USH2A: variants seen among roughly 807,000 people sequenced by gnomAD.
USH2A encodes the protein Usher syndrome 2A (autosomal recessive, mild).
In USH2A, 443 loss-of-function variants were observed where a neutral mutation model predicts 538.9. The ratio of observed to expected loss-of-function variants is 0.82; its 90% CI spans 0.76 to 0.89. The LOEUF is 0.89. Ranked by LOEUF, USH2A falls within the 40% of genes least tolerant of loss-of-function variation. The probability of loss-of-function intolerance (pLI) is 0.00; values close to 1 mark genes in which losing one functional copy is unlikely to be tolerated. For missense variants in USH2A, 6,633 were observed against 6,324.8 expected, an observed-to-expected ratio of 1.05 and a Z score of -1.65; for synonymous variants, 2,413 against 2,273.5, an observed-to-expected ratio of 1.06 and a Z score of -1.75.
intron 70 of USH2A, among the ~76,000 whole-genome samples, chr1:215,630,890 G>T (rs1409901195): frequency 1.3e-5 from 2 of 151,612 alleles, no homozygotes; most frequent in Non-Finnish European, 2.9e-5. Context: ...TTGGTGAGTG[G>T]AAATTAATTG....
At chr1:216,068,606 G>C (rs920176430) in intron 30 of USH2A, among the ~76,000 whole-genome samples, 1 of 152,134 alleles carries the variant, frequency 6.6e-6, no homozygotes, top group Non-Finnish European at 1.5e-5. Context: ...ATATAAGTGA[G>C]AGGACGATAA....
intron 3 of USH2A, among the ~76,000 whole-genome samples, chr1:216,418,228 G>A (rs963495348): frequency 7.2e-5 from 11 of 152,070 alleles, no homozygotes; most frequent in South Asian, 4.2e-4. Flanking sequence ...TAGAATATAC[G>A]AACCCAAGAA....
chr1:216,079,559 G>A (rs559501225), intron 26 of USH2A, among the ~76,000 whole-genome samples: 2 of 152,188 alleles, frequency 1.3e-5, no homozygotes, highest in East Asian at 3.9e-4. Context: ...ATATGGAGGT[G>A]GGAGGTGAGG....
intron 9 of USH2A, among the ~76,000 whole-genome samples, chr1:216,318,735 T>C (rs1438580174): frequency 1.3e-5 from 2 of 152,128 alleles, no homozygotes; most frequent in African/African-American, 2.4e-5. Context: ...ACTTAAGGTC[T>C]AAATAAGAAG....
intron 70 of USH2A, chr1:215,630,240 TATATC>T (rs754198244): frequency 2.2e-6 from 1 of 458,488 alleles, no homozygotes; most frequent in South Asian, 1.5e-5. Context: ...ACACATCAGA[TATATC>T]AGCCACAGAG....
intron 3 of USH2A, among the ~76,000 whole-genome samples, chr1:216,373,957 C>T (rs554282016): frequency 1.1e-4 from 17 of 151,992 alleles, no homozygotes; most frequent in East Asian, 3.9e-4. Flanking sequence ...TTTGTAGGAA[C>T]GTGGATGAAA....
At chr1:216,145,961 C>T (rs1438899912) in intron 21 of USH2A, among the ~76,000 whole-genome samples, 2 of 152,166 alleles carry the variant, frequency 1.3e-5, no homozygotes, top group African/African-American at 4.8e-5. Flanking sequence ...ACTCTCTTTT[C>T]GGACTCAGCC....
At chr1:216,353,341 C>T (rs1049009633) in intron 4 of USH2A, among the ~76,000 whole-genome samples, 2 of 151,236 alleles carry the variant, frequency 1.3e-5, no homozygotes, top group South Asian at 2.1e-4. Flanking sequence ...CAAACAGAGC[C>T]GCTGGGGGCA....
chr1:216,096,533 A>T (rs558612643), intron 22 of USH2A, among the ~76,000 whole-genome samples: 1 of 152,330 alleles, frequency 6.6e-6, no homozygotes, highest in African/African-American at 2.4e-5. Context: ...TCTTTATTTT[A>T]TGTTCCTATA....
rs776039417 is a variant in USH2A, at chr1:216,190,305, C to A, written c.4314G>T (p.Arg1438Ser). 1.2e-5 allele frequency: 19 copies of A among 1,612,182 alleles called. No individual in the cohort carries two copies. The highest frequency in any genetic ancestry group is 1.6e-5 in the Non-Finnish European group (19 of 1,179,030). The stretch of plus-strand genomic sequence containing the variant: ...AGAGAGTAATAGTAAACTCATATAT[C>A]CTATAAGGTTTCAGTCCTTCTACAG... ...SYTVEGLKPY[R>S]IYEFTITLCN... Residue 1438 changes from arginine to serine, a missense_variant, in exon 20 of 72, where the codon AGG (arginine) becomes AGT (serine). Physicochemically the swap from Arg to Ser is moderately radical, Grantham distance 110 (BLOSUM62 -1). Coordinates refer to ENST00000307340, the MANE Select transcript of USH2A (RefSeq NM_206933.4).
Position 215,928,901 on chromosome 1 carries a change from A to G in USH2A, c.7300+5715T>C, listed in dbSNP as rs374833365. ...CAAGCTAAAAAAGTTAGTCATTAAT[A>G]TATTATTCCTTTAGTGGTATTATTG... On this transcript the variant is annotated intron_variant, in intron 38 of 71. Coordinates refer to ENST00000307340, the MANE Select transcript of USH2A (RefSeq NM_206933.4). Among the ~76,000 whole-genome samples the G allele has an allele frequency of 3.3e-5, 5 of 152,228 alleles. No homozygotes were observed. The East Asian group carries it at 9.7e-4, about 29-fold the overall frequency.
At chr1:216,163,548 G>A (rs989109270) in intron 21 of USH2A, among the ~76,000 whole-genome samples, 7 of 151,762 alleles carry the variant, frequency 4.6e-5, no homozygotes, top group South Asian at 2.1e-4. Flanking sequence ...TTGAATGCCC[G>A]ACATTGTATA....
intron 47 of USH2A, among the ~76,000 whole-genome samples, chr1:215,831,592 T>A (rs1450613479): frequency 6.6e-6 from 1 of 152,074 alleles, no homozygotes; most frequent in Non-Finnish European, 1.5e-5. Flanking sequence ...AATTAAACAA[T>A]ACCCTTGTAA....
intron 69 of USH2A, 110 bp downstream of exon 69, chr1:215,639,045 G>A: frequency 9.5e-7 from 1 of 1,057,262 alleles, no homozygotes; most frequent in Non-Finnish European, 1.5e-6. Flanking sequence ...AATTTCTTCT[G>A]TATAGTCTAT....
At chr1:215,663,022 A>T (rs925601915) in intron 64 of USH2A, among the ~76,000 whole-genome samples, 2 of 152,216 alleles carry the variant, frequency 1.3e-5, no homozygotes, top group Non-Finnish European at 2.9e-5. Flanking sequence ...AATTTTAGTC[A>T]TGGGTATGTG....
chr1:216,206,234 T>C lies in USH2A; in HGVS notation c.3316+1039A>G, dbSNP rs74516980. 3.9e-3 allele frequency among the ~76,000 whole-genome samples: 601 copies of C among 152,326 alleles called. 1 individual carries two copies. The highest frequency in any genetic ancestry group is 0.014 in the African/African-American group (577 of 41,578). ...TATTTATTATGTCTTCCAGTATTTG[T>C]AAATTAAAATGGTATAATTCTCAGA... is the stretch of plus-strand genomic sequence containing the variant. On this transcript the variant is annotated intron_variant, in intron 16 of 71. Transcript: ENST00000307340.
In USH2A at chr1:216,083,497, G is replaced by C. The variant is rs1208034968; in HGVS notation, c.5257C>G (p.Leu1753Val). The change falls in exon 26 of 72, where the codon CTT becomes GTT. Residue 1753 changes from leucine to valine, a missense_variant. Coordinates refer to ENST00000307340, the MANE Select transcript of USH2A (RefSeq NM_206933.4). ...KFRTDQLNGLLLFVYNKDGPD... is the reference protein window; with the variant it reads ...KFRTDQLNGLVLFVYNKDGPD... ...CCATCTTTGTTATAAACGAAAAGAA[G>C]CAATCCATTTAATTGGTCAGTTCTG... 6.2e-7 allele frequency: 1 copy of C among 1,612,400 alleles called. No homozygotes were observed. The highest frequency in any genetic ancestry group is 1.1e-5 in the South Asian group (1 of 91,002).
At chr1:215,758,938 A>C (rs941339207) in intron 57 of USH2A, among the ~76,000 whole-genome samples, 186 bp from the exon 58 acceptor site, 1 of 152,214 alleles carries the variant, frequency 6.6e-6, no homozygotes. Flanking sequence ...AAGCCATTGT[A>C]ATTTCAGCTG....
chr1:216,208,243 A>G (rs1486799217), intron 15 of USH2A, among the ~76,000 whole-genome samples: 1 of 152,142 alleles, frequency 6.6e-6, no homozygotes, highest in Non-Finnish European at 1.5e-5. Flanking sequence ...TTTAGGGACA[A>G]TCAACCACCA....
Sources: allele counts gnomAD v4.1 joint callset (sites outside exome capture counted in the v4.1 genomes callset), GRCh38; gene constraint gnomAD v4.1.1; transcripts MANE v1.5; gene names NCBI Gene and HGNC (gene_info 2026-07-23, HGNC 2026-07-21).